Variants in ASMTL observed in about 807,000 individuals in gnomAD.
ASMTL encodes the protein acetylserotonin O-methyltransferase like, also known as probable bifunctional dTTP/UTP pyrophosphatase/methyltransferase protein.
In ASMTL, 57 loss-of-function variants were observed where a neutral mutation model predicts 60.3. The ratio of observed to expected loss-of-function variants is 0.95; its 90% CI spans 0.76 to 1.18. The LOEUF is 1.18. Among genes scored for constraint, ASMTL ranks in the 50% most tolerant of loss-of-function variants. The probability of loss-of-function intolerance (pLI) is 0.00; values close to 1 mark genes in which losing one functional copy is unlikely to be tolerated. For missense variants in ASMTL, 981 were observed against 852.6 expected, an observed-to-expected ratio of 1.15 and a Z score of -1.88; for synonymous variants, 419 against 373.0, an observed-to-expected ratio of 1.12 and a Z score of -1.42.
chrX:1,452,988 C>G (rs1175123993), upstream of ASMTL: 2 of 606,748 alleles, frequency 3.3e-6, no homozygotes, highest in Non-Finnish European at 5.4e-6. Context: ...GCCCAGTCCG[C>G]GCCTTCAGTG....
At chrX:1,421,100 C>T (rs2090473467) in intron 9 of ASMTL, among the ~76,000 whole-genome samples, 1 of 151,984 alleles carries the variant, frequency 6.6e-6, no homozygotes, top group Non-Finnish European at 1.5e-5. Flanking sequence ...GCTGGGACTA[C>T]AGGCACGCGC....
At chrX:1,443,266 GGACACACACC>G (rs2091152071) in intron 1 of ASMTL, among the ~76,000 whole-genome samples, 1 of 13,144 alleles carries the variant, frequency 7.6e-5, no homozygotes, top group Non-Finnish European at 4.5e-4. Flanking sequence ...CCGCCGTCTT[GGACACACACC>G]GCCATCATGG....
At chrX:1,404,154 T>G (rs1242075865) in intron 12 of ASMTL, among the ~76,000 whole-genome samples, 4 of 147,642 alleles carry the variant, frequency 2.7e-5, no homozygotes, top group Non-Finnish European at 5.9e-5. Flanking sequence ...AGATGGTAGA[T>G]GATGGGTACG....
rs1342708448 is a variant in ASMTL at position 1,412,547 on chromosome X, G to A, written c.1645+185C>T. 9.7e-4 allele frequency: 225 copies of A among 230,872 alleles called. 1 individual carries two copies. The highest frequency in any genetic ancestry group is 1.4e-3 in the Non-Finnish European group (196 of 140,434). The allele number at this position is 230,872 out of a possible 1,614,324, so 14.3% of individuals were successfully genotyped here. A position where few individuals can be genotyped will look rare whatever the true frequency, so the allele number is the denominator to read the frequency against. On this transcript the variant is annotated intron_variant, in intron 12 of 12. Transcript: ENST00000381317. ...CTGGCTAATTTTTGTATTTTTAGTA[G>A]CGATGGGGTTTCACCACGTTGGCCA...
chrX:1,443,867 C>A (rs1476544673), intron 1 of ASMTL, among the ~76,000 whole-genome samples: 2 of 152,094 alleles, frequency 1.3e-5, no homozygotes, highest in African/African-American at 4.8e-5. Flanking sequence ...CCATCGTGGA[C>A]AGACACCGCC....
chrX:1,442,527 G>A (rs1448662052), intron 1 of ASMTL, among the ~76,000 whole-genome samples: 4 of 151,926 alleles, frequency 2.6e-5, no homozygotes, highest in Non-Finnish European at 4.4e-5. Context: ...AGTGGGCCGC[G>A]GACTGACCAG....
intron 9 of ASMTL, among the ~76,000 whole-genome samples, chrX:1,420,917 G>C (rs2090468546): frequency 1.3e-5 from 2 of 151,386 alleles, no homozygotes; most frequent in South Asian, 2.1e-4. Context: ...CACCCACCTG[G>C]GCCTCCCAAA....
chrX:1,427,643 T>A, intron 7 of ASMTL, 91 bp downstream of exon 7: 1 of 1,406,640 alleles, frequency 7.1e-7, no homozygotes, highest in Non-Finnish European at 9.7e-7. Flanking sequence ...ACTGCCAGCC[T>A]CCAGGACAGT....
intron 12 of ASMTL, among the ~76,000 whole-genome samples, chrX:1,406,335 GGATTCATGGATGAGATGGATGGATA>G (rs1211923277): frequency 6.6e-6 from 1 of 151,102 alleles, no homozygotes; most frequent in African/African-American, 2.4e-5. Flanking sequence ...ATGGATGGAT[GGATTCATGGATGAGATGGATGGATA>G]GGTGAATAGA....
At chrX:1,411,440 G>T (rs1230434506) in intron 12 of ASMTL, among the ~76,000 whole-genome samples, 1 of 152,188 alleles carries the variant, frequency 6.6e-6, no homozygotes, top group African/African-American at 2.4e-5. Flanking sequence ...TGGTTCAACT[G>T]TGGAAACCCA....
chrX:1,435,105 C>T (rs1171729582), intron 4 of ASMTL, 22 bp from the exon 5 acceptor site: 3 of 1,613,474 alleles, frequency 1.9e-6, no homozygotes, highest in Non-Finnish European at 2.5e-6. Context: ...CAACGGGTGA[C>T]CACGTGACCA....
At chrX:1,431,929 G>A (rs1285299143) in intron 6 of ASMTL, 2 of 316,952 alleles carry the variant, frequency 6.3e-6, no homozygotes, top group African/African-American at 4.2e-5. Context: ...GTTTATTCGT[G>A]TTAATTGCAG....
chrX:1,412,935 C>T (rs878861623), intron 11 of ASMTL, 81 bp from the exon 12 acceptor site: 47 of 1,512,868 alleles, frequency 3.1e-5, no homozygotes, highest in South Asian at 2.3e-4. Context: ...GACGGCCACC[C>T]GCATCCTAAA....
intron 1 of ASMTL, among the ~76,000 whole-genome samples, chrX:1,450,390 C>G (rs1221608554): frequency 1.3e-5 from 2 of 151,872 alleles, no homozygotes; most frequent in African/African-American, 2.4e-5. Flanking sequence ...AGTCACTCAC[C>G]TCCCCAATCC....
intron 11 of ASMTL, among the ~76,000 whole-genome samples, chrX:1,413,532 G>A (rs1181077630): frequency 6.6e-6 from 1 of 152,332 alleles, no homozygotes; most frequent in Non-Finnish European, 1.5e-5. Flanking sequence ...TGCGGGGGGC[G>A]CATGTAGCTG....
At chrX:1,446,665 A>T (rs2091237762) in intron 1 of ASMTL, among the ~76,000 whole-genome samples, 1 of 151,896 alleles carries the variant, frequency 6.6e-6, no homozygotes, top group African/African-American at 2.4e-5. Flanking sequence ...ACGCCCGGCT[A>T]ATTTTTTGTA....
chrX:1,421,902 G>A lies in ASMTL; in HGVS notation c.1061-60C>T, dbSNP rs187084518. Reference sequence around the variant, plus strand: ...CGAGAAAACCCAAGGAAACCTGACCGTAGGGGATGTATCATTGAGATGTTA... The same window carrying A: ...CGAGAAAACCCAAGGAAACCTGACCATAGGGGATGTATCATTGAGATGTTA... On this transcript the variant is annotated intron_variant, in intron 8 of 12. Transcript: ENST00000381317. 4.3e-4 allele frequency: 635 copies of A among 1,474,884 alleles called. 7 individuals carry two copies. The African/African-American group carries it at 7.6e-3, about 18-fold the overall frequency. The allele number at this position is 1,474,884 out of a possible 1,614,324, so 91.4% of individuals were successfully genotyped here.
intron 1 of ASMTL, among the ~76,000 whole-genome samples, chrX:1,444,804 T>C (rs2091199298): frequency 6.6e-6 from 1 of 151,960 alleles, no homozygotes; most frequent in Admixed American, 6.6e-5. Flanking sequence ...ACCCCTCCCA[T>C]CTTTTCTCTC....
chrX:1,411,448 C>T (rs1270409083), intron 12 of ASMTL, among the ~76,000 whole-genome samples: 11 of 152,190 alleles, frequency 7.2e-5, no homozygotes, highest in African/African-American at 2.7e-4. Context: ...CTGTGGAAAC[C>T]CAATATGCAG....
Sources: gnomAD v4.1 joint callset for allele counts (sites outside exome capture counted in the v4.1 genomes callset) on GRCh38, gnomAD v4.1.1 for gene constraint, MANE v1.5 for transcripts, NCBI Gene and HGNC (gene_info 2026-07-23, HGNC 2026-07-21) for gene names.